Variants in SYNE2 observed in about 807,000 individuals in gnomAD.
SYNE2 encodes the protein spectrin repeat containing nuclear envelope protein 2.
Under a neutral mutation model 856.3 loss-of-function variants are expected in SYNE2, and 431 were observed. The ratio of observed to expected loss-of-function variants is 0.50; its 90% confidence interval spans 0.47 to 0.55. The LOEUF (loss-of-function observed/expected upper bound fraction) is 0.55. SYNE2 is among the 20% of genes least tolerant of loss of function. The probability of loss-of-function intolerance (pLI) is 0.00; values close to 1 mark genes in which losing one functional copy is unlikely to be tolerated. For missense variants in SYNE2, 8,129 were observed against 8,023.2 expected (o/e 1.01, Z -0.50); for synonymous variants, 2,923 against 2,872.3 (o/e 1.02, Z -0.56).
intron 11 of SYNE2, among the ~76,000 whole-genome samples, chr14:63,974,780 GTGTGTATATATA>G (rs1429077685): frequency 1.7e-5 from 2 of 117,740 alleles, no homozygotes; most frequent in African/African-American, 7.9e-5. Context: ...ATATATATAT[GTGTGTATATATA>G]TGTGTATATA....
chr14:63,836,404 T>C (rs576459357), intron 1 of SYNE2, among the ~76,000 whole-genome samples: 1 of 152,308 alleles, frequency 6.6e-6, no homozygotes, highest in Non-Finnish European at 1.5e-5. Flanking sequence ...GACAACAATA[T>C]AAGACTGTTT....
chr14:64,091,128 AATTC>A (rs2097609266), intron 60 of SYNE2, 80 bp downstream of exon 60: 3 of 1,289,334 alleles, frequency 2.3e-6, no homozygotes, highest in South Asian at 2.5e-5. Flanking sequence ...TTCTAATTGA[AATTC>A]ATTATTATCC....
At chr14:63,977,544 G>C (rs1478954591) in intron 12 of SYNE2, among the ~76,000 whole-genome samples, 2 of 152,100 alleles carry the variant, frequency 1.3e-5, no homozygotes, top group Non-Finnish European at 2.9e-5. Flanking sequence ...TTAGTTAAAG[G>C]GGGTAGTTTC....
chr14:64,006,270 C>A (rs7147282), intron 30 of SYNE2, among the ~76,000 whole-genome samples: 63,535 of 151,868 alleles, frequency 0.42, 13,960 homozygotes, highest in African/African-American at 0.55. Flanking sequence ...TTGTACATAA[C>A]GGAGAAATGA....
intron 6 of SYNE2, among the ~76,000 whole-genome samples, chr14:63,944,188 T>C (rs1021107094): frequency 1.9e-4 from 29 of 150,802 alleles, no homozygotes; most frequent in Admixed American, 4.0e-4. Context: ...CAATAATTAA[T>C]GTATGTTCAT....
chr14:63,761,809 T>C (rs1266843374), upstream of SYNE2, among the ~76,000 whole-genome samples: 1 of 152,180 alleles, frequency 6.6e-6, no homozygotes, highest in East Asian at 1.9e-4. Flanking sequence ...ATGAATTCCA[T>C]CAGCATCTAC....
In SYNE2 at chr14:64,048,064, A is replaced by G. The variant is rs1567149590; in HGVS notation, c.7286A>G (p.Asn2429Ser). Residue 2429 changes from asparagine (N) to serine (S), a missense_variant, in exon 46 of 116, where the codon AAC becomes AGC. By Grantham distance (46) the Asn-to-Ser change is conservative. Transcript: ENST00000555002. ...LSLNAQESMKNTEDERKVNEL... is the reference protein window; with the variant it reads ...LSLNAQESMKSTEDERKVNEL... ...CTTAATGCTCAAGAAAGCATGAAAA[A>G]CACTGAAGATGAGCGGAAAGTCAAT... 6.2e-7 allele frequency: 1 copy of G among 1,613,838 alleles called. No homozygotes were observed. The highest frequency in any genetic ancestry group is 8.5e-7 in the Non-Finnish European group (1 of 1,179,836).
intron 2 of SYNE2, among the ~76,000 whole-genome samples, chr14:63,912,837 A>G (rs537742460): frequency 6.6e-6 from 1 of 152,222 alleles, no homozygotes; most frequent in Non-Finnish European, 1.5e-5. Context: ...GCCGAAATTC[A>G]TAGAGCAGGA....
chr14:64,192,336 C>T (rs537149245), intron 99 of SYNE2, among the ~76,000 whole-genome samples: 27 of 152,172 alleles, frequency 1.8e-4, no homozygotes, highest in Admixed American at 3.3e-4. Context: ...GCATCAAACC[C>T]ATTCATGGAT....
intron 30 of SYNE2, among the ~76,000 whole-genome samples, chr14:64,004,266 C>T (rs1011862327): frequency 2.0e-5 from 3 of 150,358 alleles, no homozygotes; most frequent in African/African-American, 7.4e-5. Flanking sequence ...AATCTCTCGA[C>T]CTCGTGATCC....
chr14:63,997,515 T>C (rs1265089876), intron 25 of SYNE2, 124 bp downstream of exon 25: 1 of 871,384 alleles, frequency 1.1e-6, no homozygotes, highest in Non-Finnish European at 1.9e-6. Flanking sequence ...CAATGGAGAA[T>C]TTCCACTTAC....
At chr14:63,799,242 C>G (rs1888039572) in intron 1 of SYNE2, among the ~76,000 whole-genome samples, 1 of 152,128 alleles carries the variant, frequency 6.6e-6, no homozygotes, top group South Asian at 2.1e-4. Flanking sequence ...CCATGCCTGG[C>G]TAATTTTCGT....
chr14:63,992,844 G>C (rs892472255), intron 21 of SYNE2, among the ~76,000 whole-genome samples: 1 of 152,174 alleles, frequency 6.6e-6, no homozygotes, highest in East Asian at 1.9e-4. Flanking sequence ...TTGGAGGAGA[G>C]CCCTGGAGCT....
chr14:63,916,580 C>G (rs1281092655), intron 2 of SYNE2, among the ~76,000 whole-genome samples: 1 of 152,164 alleles, frequency 6.6e-6, no homozygotes, highest in African/African-American at 2.4e-5. Context: ...CTATGAAGTA[C>G]CCCAAATTAG....
intron 1 of SYNE2, among the ~76,000 whole-genome samples, chr14:63,903,925 G>A (rs368664772): frequency 6.6e-6 from 1 of 151,680 alleles, no homozygotes; most frequent in African/African-American, 2.4e-5. Context: ...GTAACCAGGT[G>A]GTGAGCATAG....
intron 51 of SYNE2, among the ~76,000 whole-genome samples, chr14:64,069,506 A>C (rs541470597): frequency 1.3e-5 from 2 of 152,276 alleles, no homozygotes; most frequent in Admixed American, 1.3e-4. Context: ...AGGGCAGCTT[A>C]TACCACAGCC....
rs746841699 is a variant in SYNE2, at chr14:64,223,206, G to A, written c.20208G>A (p.Leu6736=). 2 of 1,613,740 alleles carry A rather than the reference G, an allele frequency of 1.2e-6. No homozygotes were observed. Among genetic ancestry groups the A allele is most frequent in the Non-Finnish European group, 1.7e-6 (2 of 1,179,900 alleles). Residue 6736 remains leucine (L), a synonymous_variant, in exon 113 of 116, where the codon CTG becomes CTA. Transcript: ENST00000555002. Reference sequence around the variant, plus strand: ...GTTTTCAGCAACTGGAAAAGGAGCTGGTAGAACGTCAACCTCAAGTGGACA... The same window carrying A: ...GTTTTCAGCAACTGGAAAAGGAGCTAGTAGAACGTCAACCTCAAGTGGACA... ...RRELMQLEKE[L]VERQPQVDML...
chr14:64,143,247 G>A (rs927136418), intron 82 of SYNE2, among the ~76,000 whole-genome samples: 1 of 152,208 alleles, frequency 6.6e-6, no homozygotes, highest in Non-Finnish European at 1.5e-5. Context: ...CCCTGGGTGG[G>A]TTTAGGATTG....
intron 7 of SYNE2, among the ~76,000 whole-genome samples, chr14:63,953,924 C>CT (rs975671480): frequency 2.6e-5 from 4 of 151,080 alleles, no homozygotes; most frequent in South Asian, 2.1e-4. Context: ...AATTTCCCTC[C>CT]TTTTTTTTTG....
Sources: allele counts gnomAD v4.1 joint callset (sites outside exome capture counted in the v4.1 genomes callset), GRCh38; gene constraint gnomAD v4.1.1; transcripts MANE v1.5; gene names NCBI Gene and HGNC (gene_info 2026-07-23, HGNC 2026-07-21).